SLC9A1: variants seen among roughly 807,000 people sequenced by gnomAD.
The protein encoded by SLC9A1 is solute carrier family 9 member A1.
In SLC9A1, 22 loss-of-function variants were observed where a neutral mutation model predicts 67.9. That is an observed-to-expected ratio of 0.32 (90% confidence interval 0.23 to 0.46). SLC9A1 has a LOEUF of 0.46. Among genes scored for constraint, SLC9A1 ranks in the 20% least tolerant of loss-of-function variants. The pLI is 1.00. For synonymous variants in SLC9A1, 421 were observed against 471.8 expected, an observed-to-expected ratio of 0.89 and a Z score of 1.40; for missense variants, 686 against 1,094.8, an observed-to-expected ratio of 0.63 and a Z score of 5.27.
Position 27,154,284 on chromosome 1 carries a change from A to G in SLC9A1, c.51T>C (p.Pro17=), listed in dbSNP as rs1195437007. ...CCAAAGCAACCACCACGAGTAAGGA[A>G]GGGAAGATCCGATGTGGAGAGAGGC... ...ICGLSPHRIF[P]SLLVVVALVG... The change falls in exon 1 of 12, where the codon CCT becomes CCC. Residue 17 remains proline (P), a synonymous_variant. Coordinates refer to ENST00000263980, the MANE Select transcript of SLC9A1 (RefSeq NM_003047.5). The G allele has an allele frequency of 1.9e-6, 3 of 1,612,178 alleles. No individual in the cohort carries two copies. Among genetic ancestry groups the G allele is most frequent in the Non-Finnish European group, 2.5e-6 (3 of 1,179,018 alleles).
At position 27,114,230 on chromosome 1, in the gene SLC9A1, C is replaced by T. The variant is rs774757087; in HGVS notation, c.409G>A (p.Val137Met). The T allele has an allele frequency of 6.2e-7, 1 of 1,613,874 alleles. No individual in the cohort carries two copies. The highest frequency in any genetic ancestry group is 8.5e-7 in the Non-Finnish European group (1 of 1,179,884). The change falls in exon 2 of 12, where the codon GTG (valine) becomes ATG (methionine). Residue 137 changes from valine (V) to methionine (M), a missense_variant. Val to Met is a conservative substitution (Grantham distance 21). Transcript: ENST00000263980. This position sits in a 1 kb window ranked among gnomAD's most constrained non-coding sequence, Gnocchi z 5.4. Reference sequence around the variant, plus strand: ...AGGCCCCCCACCAGCAGCCCCACCACGATCAGCAGGCAGCTCTCCGGGACG... The same window carrying T: ...AGGCCCCCCACCAGCAGCCCCACCATGATCAGCAGGCAGCTCTCCGGGACG... ...SIVPESCLLI[V>M]VGLLVGGLIK... is the part of the protein sequence containing the mutation.
In SLC9A1 at chr1:27,106,192, C is replaced by G; in HGVS notation, c.1283-105G>C. The G allele has an allele frequency of 2.7e-6, 2 of 736,478 alleles. No homozygotes were observed. Among genetic ancestry groups the G allele is most frequent in the Non-Finnish European group, 2.3e-6 (1 of 433,692 alleles). 45.6% of individuals were successfully genotyped at this position (736,478 alleles called of 1,614,324 possible). On this transcript the variant is annotated intron_variant, in intron 4 of 11. Coordinates refer to ENST00000263980, the MANE Select transcript of SLC9A1 (RefSeq NM_003047.5). The surrounding 1 kb of genome is among the most constrained non-coding windows in gnomAD (Gnocchi z 4.3). The stretch of plus-strand genomic sequence containing the variant: ...CTGTGCATCCAGGAAGTCTCCATTA[C>G]GAAGCCCACCCCGCTCACTCAATTC...
At chr1:27,128,695 T>C (rs1265976103) in intron 1 of SLC9A1, among the ~76,000 whole-genome samples, 2 of 149,430 alleles carry the variant, frequency 1.3e-5, no homozygotes, top group African/African-American at 2.5e-5. Context: ...TGGTGGCTCA[T>C]GCCTATAATC....
intron 1 of SLC9A1, among the ~76,000 whole-genome samples, chr1:27,127,194 G>A (rs1158700398): frequency 1.3e-5 from 2 of 152,132 alleles, no homozygotes; most frequent in South Asian, 2.1e-4. Flanking sequence ...AGAGATAGGG[G>A]TTTTGCCATG....
At chr1:27,115,337 A>T (rs372435788) in intron 1 of SLC9A1, among the ~76,000 whole-genome samples, 1 of 152,144 alleles carries the variant, frequency 6.6e-6, no homozygotes, top group South Asian at 2.1e-4. Context: ...ATCCCCGTTG[A>T]GAGGGCCTCT....
intron 1 of SLC9A1, among the ~76,000 whole-genome samples, chr1:27,144,239 C>T (rs1179694316): frequency 6.6e-6 from 1 of 152,172 alleles, no homozygotes; most frequent in East Asian, 1.9e-4. Flanking sequence ...GTGCAGTTTA[C>T]GGCTTGAGGA....
chr1:27,143,164 C>T (rs1434611232), intron 1 of SLC9A1, among the ~76,000 whole-genome samples: 3 of 151,742 alleles, frequency 2.0e-5, no homozygotes, highest in South Asian at 2.1e-4. Context: ...TTATCATGGA[C>T]TCAGAAACAA....
chr1:27,100,284 G>A lies in SLC9A1; in HGVS notation c.*23C>T. The A allele has an allele frequency of 6.7e-7, 1 of 1,495,018 alleles. No individual in the cohort carries two copies. The highest frequency in any genetic ancestry group is 9.0e-7 in the Non-Finnish European group (1 of 1,115,914). 92.6% of individuals were successfully genotyped at this position (1,495,018 alleles called of 1,614,324 possible). A position where few individuals can be genotyped will look rare whatever the true frequency, so the allele number is the denominator to read the frequency against. ...TGGTGGAAGAGTCTGTGAGGGGACA[G>A]GCGCTGCCTGCTGGCCCTGGTGTTA... On this transcript the variant is annotated 3_prime_UTR_variant, in exon 12 of 12. Transcript: ENST00000263980. The surrounding 1 kb of genome is among the most constrained non-coding windows in gnomAD (Gnocchi z 5.6).
rs1428175712 is a variant in SLC9A1 at position 27,106,879 on chromosome 1, C to T, written c.1282+769G>A. Among the ~76,000 whole-genome samples, 1 of 151,912 alleles carries T rather than the reference C, an allele frequency of 6.6e-6. No homozygotes were observed. The highest frequency in any genetic ancestry group is 2.4e-5 in the African/African-American group (1 of 41,298). On this transcript the variant is annotated intron_variant, in intron 4 of 11. Transcript: ENST00000263980. The surrounding 1 kb of genome is among the most constrained non-coding windows in gnomAD (Gnocchi z 4.3). ...GTGGGCCTCAGGCCCCTCATCAGGA[C>T]AGCCACAGCCACAGGCTCAGAGTCT...
At chr1:27,135,155 T>A (rs368298231) in intron 1 of SLC9A1, among the ~76,000 whole-genome samples, 2 of 151,584 alleles carry the variant, frequency 1.3e-5, no homozygotes, top group Admixed American at 1.3e-4. Flanking sequence ...GCTCAAGCAA[T>A]CCTCCCACTT....
chr1:27,100,425 A>T lies in SLC9A1; in HGVS notation c.2330T>A (p.Val777Asp), dbSNP rs2083133093. The T allele has an allele frequency of 6.2e-7, 1 of 1,611,988 alleles. No homozygotes were observed. Reference protein sequence around the residue: ...KETSSPGTDDVFTPAPSDSPS... With the variant: ...KETSSPGTDDDFTPAPSDSPS... ...GCTGTCACTGGGCGCGGGGGTGAAG[A>T]CATCGTCGGTTCCTGGGGACGAAGT... The change falls in exon 12 of 12, where the codon GTC becomes GAC. Residue 777 changes from valine to aspartate, a missense_variant. Coordinates refer to ENST00000263980, the MANE Select transcript of SLC9A1 (RefSeq NM_003047.5). The surrounding 1 kb of genome is among the most constrained non-coding windows in gnomAD (Gnocchi z 5.6).
chr1:27,110,141 C>G (rs911564665), intron 2 of SLC9A1, among the ~76,000 whole-genome samples: 5 of 152,132 alleles, frequency 3.3e-5, no homozygotes, highest in Non-Finnish European at 7.4e-5. Flanking sequence ...ATAATAATAC[C>G]AAATCTTAGG....
At chr1:27,103,510 G>A (rs1306299841) in intron 5 of SLC9A1, 198 bp from the exon 6 acceptor site, 2 of 590,176 alleles carry the variant, frequency 3.4e-6, no homozygotes, top group East Asian at 5.6e-5. Context: ...GCTTCTTCCT[G>A]GAGACACGGT....
At chr1:27,125,752 G>A (rs1458904253) in intron 1 of SLC9A1, among the ~76,000 whole-genome samples, 1 of 151,940 alleles carries the variant, frequency 6.6e-6, no homozygotes, top group Non-Finnish European at 1.5e-5. Context: ...ATGCCACCAC[G>A]TCCAGCTAAT....
At position 27,106,347 on chromosome 1, in the gene SLC9A1, CAGG is replaced by C; in HGVS notation, c.1283-263_1283-261del. Reference sequence around the variant, plus strand: ...CCTCCAGTGGCTGGAGGGCTGGGGGCAGGAAGAGGGAGAAAAGATCAAACAAGA... The same window carrying C: ...CCTCCAGTGGCTGGAGGGCTGGGGGCAAGAGGGAGAAAAGATCAAACAAGA... On this transcript the variant is annotated intron_variant, in intron 4 of 11. Transcript: ENST00000263980. This position sits in a 1 kb window ranked among gnomAD's most constrained non-coding sequence, Gnocchi z 4.3. Among the ~76,000 whole-genome samples, 1 of 152,104 alleles carries C rather than the reference CAGG, an allele frequency of 6.6e-6. No individual in the cohort carries two copies. The highest frequency in any genetic ancestry group is 6.5e-5 in the Admixed American group (1 of 15,296).
chr1:27,102,241 C>T (rs2083151679), intron 8 of SLC9A1, 111 bp from the exon 9 acceptor site: 2 of 1,339,204 alleles, frequency 1.5e-6, no homozygotes, highest in Admixed American at 1.8e-5. Flanking sequence ...GCGCCAAAGC[C>T]TCAGGTCCTT....
intron 1 of SLC9A1, among the ~76,000 whole-genome samples, chr1:27,138,689 G>C (rs913158422): frequency 1.3e-5 from 2 of 152,126 alleles, no homozygotes; most frequent in Non-Finnish European, 2.9e-5. Context: ...GCTGTATGGA[G>C]GAACAGGCCT....
rs941906942 is a variant in SLC9A1 at position 27,101,692 on chromosome 1, G to C, written c.2037+33C>G. On this transcript the variant is annotated intron_variant, in intron 10 of 11. Transcript: ENST00000263980. This position sits in a 1 kb window ranked among gnomAD's most constrained non-coding sequence, Gnocchi z 4.9. ...TGGCGGAGCTTGGGCGAGTGGGGTGGGATACAGATTCCCAGAGGAAGGCAG... is the reference window on the plus strand; with the variant it reads ...TGGCGGAGCTTGGGCGAGTGGGGTGCGATACAGATTCCCAGAGGAAGGCAG... The C allele has an allele frequency of 6.8e-7, 1 of 1,460,538 alleles. No homozygotes were observed. The highest frequency in any genetic ancestry group is 1.4e-5 in the African/African-American group (1 of 71,974). The allele number at this position is 1,460,538 out of a possible 1,614,324, so 90.5% of individuals were successfully genotyped here.
chr1:27,105,644 C>A (rs2083178253), intron 5 of SLC9A1: 2 of 691,076 alleles, frequency 2.9e-6, no homozygotes, highest in Admixed American at 2.1e-5. Context: ...TTAAGTTGGG[C>A]AGCATTCTGG....
Sources: gnomAD v4.1 joint callset for allele counts (sites outside exome capture counted in the v4.1 genomes callset) on GRCh38, gnomAD v4.1.1 for gene constraint, Gnocchi (gnomAD v3.1) non-coding constraint, MANE v1.5 for transcripts, NCBI Gene and HGNC (gene_info 2026-07-23, HGNC 2026-07-21) for gene names.